Variants in PHLDB2 observed in about 807,000 individuals in gnomAD.
PHLDB2 encodes the protein pleckstrin homology-like domain family B member 2.
In PHLDB2, 71 loss-of-function variants were observed where a neutral mutation model predicts 123.6. The observed-to-expected ratio is 0.57, with a 90% CI of 0.47 to 0.70. The LOEUF is 0.70. Ranked by LOEUF, PHLDB2 falls within the 30% of genes least tolerant of loss-of-function variation. The probability of loss-of-function intolerance (pLI) is 0.00; values close to 1 mark genes in which losing one functional copy is unlikely to be tolerated. For missense variants in PHLDB2, 1,446 were observed against 1,519.5 expected (o/e 0.95, Z 0.80); for synonymous variants, 547 against 541.6 (o/e 1.01, Z -0.14).
chr3:111,779,721 G>A, intron 1 of PHLDB2: 1 of 423,808 alleles, frequency 2.4e-6, no homozygotes, highest in Non-Finnish European at 3.2e-6. Flanking sequence ...TTTTGCTCTT[G>A]TGAATGGCGT....
chr3:111,831,158 A>C (rs2063017132), intron 1 of PHLDB2, among the ~76,000 whole-genome samples: 1 of 152,172 alleles, frequency 6.6e-6, no homozygotes, highest in Non-Finnish European at 1.5e-5. Context: ...AGATACGATA[A>C]ATAAAAGAAA....
At chr3:111,752,250 G>GTGTC (rs1553723011) in intron 1 of PHLDB2, among the ~76,000 whole-genome samples, 12 of 137,062 alleles carry the variant, frequency 8.8e-5, no homozygotes, top group South Asian at 4.5e-4. Context: ...GTCTGTGTCT[G>GTGTC]TGTGTGTGTG....
At chr3:111,825,090 A>C (rs2062592219) in intron 1 of PHLDB2, among the ~76,000 whole-genome samples, 1 of 152,206 alleles carries the variant, frequency 6.6e-6, no homozygotes, top group Non-Finnish European at 1.5e-5. Flanking sequence ...TAGCATGCTC[A>C]CCATTTACAG....
At chr3:111,920,487 A>G in intron 5 of PHLDB2, 68 bp downstream of exon 5, 1 of 1,549,764 alleles carries the variant, frequency 6.5e-7, no homozygotes, top group Non-Finnish European at 8.7e-7. Flanking sequence ...ATTGAATTTA[A>G]ATGTTGAATG....
chr3:111,770,032 G>A (rs1426279522), intron 1 of PHLDB2, among the ~76,000 whole-genome samples: 1 of 152,124 alleles, frequency 6.6e-6, no homozygotes, highest in Non-Finnish European at 1.5e-5. Flanking sequence ...TCACTTTCCA[G>A]TATTTCTGTA....
At chr3:111,770,942 C>T (rs1368826461) in intron 1 of PHLDB2, among the ~76,000 whole-genome samples, 1 of 71,026 alleles carries the variant, frequency 1.4e-5, no homozygotes, top group Non-Finnish European at 3.3e-5. Context: ...GCAAAGCAGC[C>T]AGGATGAGGC....
At chr3:111,794,532 A>G (rs1194377089) in intron 1 of PHLDB2, among the ~76,000 whole-genome samples, 1 of 152,188 alleles carries the variant, frequency 6.6e-6, no homozygotes, top group African/African-American at 2.4e-5. Flanking sequence ...TGGTGTTCCT[A>G]CAGTGGGGAC....
chr3:111,884,565 C>T lies in PHLDB2; in HGVS notation c.488C>T (p.Ser163Phe), dbSNP rs781042555. 1.2e-6 allele frequency: 2 copies of T among 1,614,026 alleles called. No homozygotes were observed. Among genetic ancestry groups the T allele is most frequent in the African/African-American group, 2.7e-5 (2 of 74,934 alleles). The change falls in exon 2 of 18, where the codon TCT (serine) becomes TTT (phenylalanine). Residue 163 changes from serine to phenylalanine, a missense_variant. Transcript: ENST00000431670. Reference protein sequence around the residue: ...SRHKSHDNVYSLGGLEGRKAS... With the variant: ...SRHKSHDNVYFLGGLEGRKAS... ...CATAAATCGCATGACAATGTCTACT[C>T]TCTTGGAGGGCTGGAAGGTCGGAAG...
intron 1 of PHLDB2, among the ~76,000 whole-genome samples, chr3:111,791,134 G>A (rs540361130): frequency 1.3e-5 from 2 of 152,196 alleles, no homozygotes; most frequent in Non-Finnish European, 2.9e-5. Flanking sequence ...TATAAAAATA[G>A]TTTGATGAGT....
chr3:111,865,595 G>C (rs1449990059), intron 1 of PHLDB2, among the ~76,000 whole-genome samples: 1 of 152,054 alleles, frequency 6.6e-6, no homozygotes. Flanking sequence ...ACAAAATGAA[G>C]ACAGGCGAAT....
At chr3:111,838,969 T>C (rs2063543731) in intron 1 of PHLDB2, among the ~76,000 whole-genome samples, 1 of 152,214 alleles carries the variant, frequency 6.6e-6, no homozygotes, top group African/African-American at 2.4e-5. Flanking sequence ...TTTCTATTTT[T>C]ATAGTCTGCT....
intron 1 of PHLDB2, chr3:111,779,786 T>C: frequency 1.1e-6 from 1 of 879,216 alleles, no homozygotes; most frequent in Non-Finnish European, 1.4e-6. Context: ...AAATCTATAC[T>C]CTTAAGAGGA....
chr3:111,836,341 A>G (rs940071076), intron 1 of PHLDB2, among the ~76,000 whole-genome samples: 1 of 152,200 alleles, frequency 6.6e-6, no homozygotes, highest in Non-Finnish European at 1.5e-5. Flanking sequence ...CAGTTGTCAT[A>G]TGAAGAAATT....
chr3:111,925,188 G>T (rs1233324018), intron 5 of PHLDB2, among the ~76,000 whole-genome samples: 1 of 152,102 alleles, frequency 6.6e-6, no homozygotes, highest in Non-Finnish European at 1.5e-5. Flanking sequence ...CTGAAGATTG[G>T]TCTTTAGTGT....
chr3:111,889,203 T>A (rs1301048609), intron 2 of PHLDB2, among the ~76,000 whole-genome samples: 3 of 152,182 alleles, frequency 2.0e-5, no homozygotes, highest in South Asian at 2.1e-4. Flanking sequence ...CAAGTTTTTT[T>A]AAAAAATGAG....
At chr3:111,869,450 A>G (rs957287475) in intron 1 of PHLDB2, among the ~76,000 whole-genome samples, 5 of 33,726 alleles carry the variant, frequency 1.5e-4, no homozygotes, top group Non-Finnish European at 6.7e-4. Flanking sequence ...GATAAAGTAA[A>G]AATTCAAAAA....
intron 3 of PHLDB2, among the ~76,000 whole-genome samples, chr3:111,917,831 CAAAT>C (rs1245090402): frequency 6.6e-6 from 1 of 152,028 alleles, no homozygotes; most frequent in Non-Finnish European, 1.5e-5. Context: ...TCAGGATTGT[CAAAT>C]AAATTTAGTG....
intron 8 of PHLDB2, among the ~76,000 whole-genome samples, chr3:111,942,409 G>A (rs1239742554): frequency 1.3e-5 from 2 of 152,138 alleles, no homozygotes; most frequent in Non-Finnish European, 2.9e-5. Context: ...AAATGTATTT[G>A]TAACCTCTAA....
intron 1 of PHLDB2, among the ~76,000 whole-genome samples, chr3:111,756,706 T>C (rs1184069434): frequency 4.0e-5 from 6 of 150,422 alleles, no homozygotes; most frequent in Middle Eastern, 3.4e-3. Flanking sequence ...GTTAGCTGGT[T>C]ATTTTGCTCG....
Sources: allele counts gnomAD v4.1 joint callset (sites outside exome capture counted in the v4.1 genomes callset), GRCh38; gene constraint gnomAD v4.1.1; transcripts MANE v1.5; gene names NCBI Gene and HGNC (gene_info 2026-07-23, HGNC 2026-07-21).